BRINP3: variants seen among roughly 807,000 people sequenced by gnomAD.
The protein encoded by BRINP3 is BMP/retinoic acid-inducible neural-specific protein 3.
In BRINP3, 19 loss-of-function variants were observed where a neutral mutation model predicts 71.0. The observed-to-expected ratio is 0.27, with a 90% CI of 0.19 to 0.39. The LOEUF is 0.39. BRINP3 is among the 10% of genes least tolerant of loss of function. The pLI, the probability that BRINP3 is intolerant of heterozygous loss-of-function variation, is 1.00. For missense variants in BRINP3, 959 were observed against 940.8 expected (o/e 1.02, Z -0.25); for synonymous variants, 380 against 337.7 (o/e 1.13, Z -1.37).
At chr1:190,165,397 C>T (rs1247030803) in intron 6 of BRINP3, among the ~76,000 whole-genome samples, 1 of 141,398 alleles carries the variant, frequency 7.1e-6, no homozygotes. Flanking sequence ...AACTTTGGGG[C>T]TTTCCATACA....
intron 2 of BRINP3, among the ~76,000 whole-genome samples, chr1:190,362,977 G>A (rs1669245607): frequency 6.6e-6 from 1 of 152,060 alleles, no homozygotes; most frequent in Admixed American, 6.6e-5. Context: ...CTGTGATCAT[G>A]ATAGGATATT....
At chr1:190,155,720 CTGAG>C (rs566104583) in intron 7 of BRINP3, among the ~76,000 whole-genome samples, 38 of 152,050 alleles carry the variant, frequency 2.5e-4, no homozygotes, top group African/African-American at 8.4e-4. Context: ...TGCTGTTCTC[CTGAG>C]TGAGTAAGTT....
At chr1:190,317,794 A>G (rs1665984950) in intron 2 of BRINP3, among the ~76,000 whole-genome samples, 1 of 152,038 alleles carries the variant, frequency 6.6e-6, no homozygotes, top group Admixed American at 6.6e-5. Context: ...TTTTTACTTT[A>G]TCTCCTTCTT....
chr1:190,231,372 C>G (rs1041471695), intron 5 of BRINP3, among the ~76,000 whole-genome samples: 10 of 151,874 alleles, frequency 6.6e-5, no homozygotes, highest in African/African-American at 2.4e-4. Flanking sequence ...TACATTTAAT[C>G]ATCCACCTTA....
chr1:190,275,471 A>C (rs1662477742), intron 3 of BRINP3, among the ~76,000 whole-genome samples: 1 of 151,660 alleles, frequency 6.6e-6, no homozygotes, highest in Non-Finnish European at 1.5e-5. Context: ...AACAAGCACC[A>C]AACTGATGCT....
intron 2 of BRINP3, among the ~76,000 whole-genome samples, chr1:190,369,775 C>T (rs1018375577): frequency 1.3e-5 from 2 of 151,328 alleles, no homozygotes; most frequent in South Asian, 2.1e-4. Flanking sequence ...CTTACTGACC[C>T]GAATATGTGA....
At chr1:190,362,287 T>C (rs1198697444) in intron 2 of BRINP3, 1 of 152,130 alleles carries the variant, frequency 6.6e-6, no homozygotes, top group Non-Finnish European at 1.5e-5. Context: ...AGCACGGTCT[T>C]AAGTTAATAT....
At position 190,099,210 on chromosome 1, in the gene BRINP3, A is replaced by T. The variant is rs552714085; in HGVS notation, c.1185-76T>A. The T allele has an allele frequency of 2.2e-6, 3 of 1,394,472 alleles. No individual in the cohort carries two copies. In the African/African-American group the frequency reaches 4.4e-5, roughly 20 times the overall value. The allele number at this position is 1,394,472 out of a possible 1,614,324, so 86.4% of individuals were successfully genotyped here. A position where few individuals can be genotyped will look rare whatever the true frequency, so the allele number is the denominator to read the frequency against. The stretch of plus-strand genomic sequence containing the variant: ...TACTGCAGTAAACCGTAGCTCAGAA[A>T]TCTTTGCTATCATTTCTTCAGGTCA... On this transcript the variant is annotated intron_variant, in intron 7 of 7. Coordinates refer to ENST00000367462, the MANE Select transcript of BRINP3 (RefSeq NM_199051.3).
chr1:190,304,474 A>G (rs984933807), intron 2 of BRINP3, among the ~76,000 whole-genome samples: 1 of 151,922 alleles, frequency 6.6e-6, no homozygotes, highest in Admixed American at 6.6e-5. Context: ...AAATAAATCC[A>G]TGTAGTTATA....
chr1:190,372,819 C>T (rs1048524680), intron 2 of BRINP3, among the ~76,000 whole-genome samples: 6 of 152,092 alleles, frequency 3.9e-5, no homozygotes, highest in Non-Finnish European at 8.8e-5. Flanking sequence ...TTTTATCACA[C>T]AAGTTTAAAT....
At chr1:190,284,855 A>G (rs1197122441) in intron 2 of BRINP3, among the ~76,000 whole-genome samples, 1 of 152,092 alleles carries the variant, frequency 6.6e-6, no homozygotes, top group Non-Finnish European at 1.5e-5. Flanking sequence ...TAATAACTAA[A>G]GAAAAATATT....
In BRINP3 at chr1:190,234,427, T is replaced by C. The variant is rs1162824419; in HGVS notation, c.669A>G (p.Leu223=). The C allele has an allele frequency of 6.2e-7, 1 of 1,612,662 alleles. No homozygotes were observed. The highest frequency in any genetic ancestry group is 8.5e-7 in the Non-Finnish European group (1 of 1,179,130). The change falls in exon 5 of 8, where the codon CTA becomes CTG. Residue 223 remains leucine (L), a synonymous_variant. Coordinates refer to ENST00000367462, the MANE Select transcript of BRINP3 (RefSeq NM_199051.3). The part of the protein sequence containing the change: ...GPLGCSNYDN[L]DSVSSVLVQS... ...GAACCAGAACAGAACTGACAGAATC[T>C]AGGTTGTCATAGTTACTGCAGCCAA...
intron 1 of BRINP3, among the ~76,000 whole-genome samples, chr1:190,458,130 G>A (rs1043711451): frequency 6.6e-6 from 1 of 151,904 alleles, no homozygotes; most frequent in Non-Finnish European, 1.5e-5. Flanking sequence ...TAATTCGGGG[G>A]TTTAATTATT....
intron 4 of BRINP3, among the ~76,000 whole-genome samples, chr1:190,262,014 C>T (rs1368081278): frequency 6.6e-6 from 1 of 152,150 alleles, no homozygotes; most frequent in East Asian, 1.9e-4. Flanking sequence ...CTTAGTCATA[C>T]TTATAAATGA....
intron 4 of BRINP3, among the ~76,000 whole-genome samples, chr1:190,248,598 T>A (rs1659830487): frequency 6.6e-6 from 1 of 151,782 alleles, no homozygotes; most frequent in Non-Finnish European, 1.5e-5. Context: ...TTTGTATGTT[T>A]ATTTTTTTTC....
intron 3 of BRINP3, among the ~76,000 whole-genome samples, chr1:190,275,079 T>A (rs1409931508): frequency 2.0e-5 from 3 of 151,534 alleles, no homozygotes; most frequent in African/African-American, 7.3e-5. Context: ...CTACAAATTT[T>A]CTAAGCAAAT....
chr1:190,272,796 G>T (rs1168782584), intron 3 of BRINP3, among the ~76,000 whole-genome samples: 2 of 151,380 alleles, frequency 1.3e-5, no homozygotes, highest in African/African-American at 4.8e-5. Context: ...TTTAATCCAT[G>T]TATACAAAAG....
At chr1:190,326,857 T>G (rs1400702879) in intron 2 of BRINP3, among the ~76,000 whole-genome samples, 1 of 151,982 alleles carries the variant, frequency 6.6e-6, no homozygotes, top group Non-Finnish European at 1.5e-5. Flanking sequence ...CACGCTTAAG[T>G]ACATAGCCCA....
intron 2 of BRINP3, among the ~76,000 whole-genome samples, chr1:190,325,182 AT>A (rs1169151141): frequency 6.6e-6 from 1 of 151,958 alleles, no homozygotes; most frequent in Non-Finnish European, 1.5e-5. Flanking sequence ...TAAATTGTGT[AT>A]TTTCTGTAAT....
Sources: gnomAD v4.1 joint callset for allele counts (sites outside exome capture counted in the v4.1 genomes callset) on GRCh38, gnomAD v4.1.1 for gene constraint, MANE v1.5 for transcripts, NCBI Gene and HGNC (gene_info 2026-07-23, HGNC 2026-07-21) for gene names.